PCDH7: variants seen among roughly 807,000 people sequenced by gnomAD.
PCDH7 encodes the protein protocadherin-7.
A neutral mutation model predicts 58.9 loss-of-function variants in PCDH7; 17 were observed. The ratio of observed to expected loss-of-function variants is 0.29; its 90% CI spans 0.20 to 0.43. The LOEUF is 0.43. Among genes scored for constraint, PCDH7 ranks in the 20% least tolerant of loss-of-function variants. PCDH7 has a pLI of 1.00. For missense variants in PCDH7, 1,274 were observed against 1,441.0 expected (o/e 0.88, Z 1.88); for synonymous variants, 664 against 616.4 (o/e 1.08, Z -1.14).
intron 3 of PCDH7, among the ~76,000 whole-genome samples, chr4:31,042,241 A>T (rs930796446): frequency 1.3e-5 from 2 of 152,168 alleles, no homozygotes; most frequent in Admixed American, 1.3e-4. Flanking sequence ...AGATAGGAGG[A>T]TAGCAAAGTC....
At chr4:31,039,965 C>T (rs1436337968) in intron 3 of PCDH7, among the ~76,000 whole-genome samples, 3 of 152,104 alleles carry the variant, frequency 2.0e-5, no homozygotes, top group Non-Finnish European at 4.4e-5. Flanking sequence ...AGGTTATGTG[C>T]GTAGATACAA....
chr4:31,107,831 A>C (rs1378012099), intron 3 of PCDH7, among the ~76,000 whole-genome samples: 1 of 152,168 alleles, frequency 6.6e-6, no homozygotes, highest in African/African-American at 2.4e-5. Flanking sequence ...TCTTCCTTAA[A>C]ATGGGTATGA....
At chr4:30,917,388 A>G (rs1394503880) in intron 1 of PCDH7, among the ~76,000 whole-genome samples, 2 of 152,192 alleles carry the variant, frequency 1.3e-5, no homozygotes, top group African/African-American at 4.8e-5. Flanking sequence ...GAATCTGAAG[A>G]GCTAGTGATA....
At chr4:31,141,235 A>G (rs1034985421) in intron 3 of PCDH7, among the ~76,000 whole-genome samples, 1 of 152,254 alleles carries the variant, frequency 6.6e-6, no homozygotes, top group Non-Finnish European at 1.5e-5. Flanking sequence ...CGAATCTACT[A>G]GGATTGTGCA....
intron 3 of PCDH7, among the ~76,000 whole-genome samples, chr4:31,010,274 T>G (rs529066108): frequency 6.6e-6 from 1 of 152,108 alleles, no homozygotes; most frequent in South Asian, 2.1e-4. Context: ...AGAAACTTAA[T>G]GAAAATCAAA....
rs184109911 is a variant in PCDH7 at position 30,757,155 on chromosome 4, T to C, written c.70+32559T>C. ...CTATTTTCAAATGACAGTTGGTTTC[T>C]GTATTTGTGCACAAGACTCAATGTG... is the stretch of plus-strand genomic sequence containing the variant. On this transcript the variant is annotated intron_variant, in intron 1 of 3. Coordinates refer to the PCDH7 transcript ENST00000509759. Among the ~76,000 whole-genome samples the C allele has an allele frequency of 5.6e-4, 86 of 152,356 alleles. 1 individual carries two copies. In the East Asian group the frequency reaches 7.9e-3, roughly 14 times the overall value.
chr4:30,887,795 C>T (rs1035345013), intron 1 of PCDH7, among the ~76,000 whole-genome samples: 5 of 151,796 alleles, frequency 3.3e-5, no homozygotes, highest in African/African-American at 7.3e-5. Context: ...TGCATTCACA[C>T]GGCATTGATC....
At chr4:30,790,338 A>G (rs867675086) in intron 1 of PCDH7, among the ~76,000 whole-genome samples, 1 of 152,314 alleles carries the variant, frequency 6.6e-6, no homozygotes. Context: ...TGAGATACAC[A>G]GAGTTTCAGT....
At chr4:30,976,382 C>T (rs1046023248) in intron 3 of PCDH7, among the ~76,000 whole-genome samples, 2 of 149,716 alleles carry the variant, frequency 1.3e-5, no homozygotes, top group East Asian at 2.0e-4. Context: ...TGAGCCACCA[C>T]GCCGGGCCAT....
chr4:30,878,668 G>A (rs911569037), intron 1 of PCDH7, among the ~76,000 whole-genome samples: 3 of 151,990 alleles, frequency 2.0e-5, no homozygotes, highest in Non-Finnish European at 4.4e-5. Context: ...GGTCAACACG[G>A]CAAACCCCCC....
intron 1 of PCDH7, among the ~76,000 whole-genome samples, chr4:30,771,821 T>C (rs1721443410): frequency 6.6e-6 from 1 of 152,182 alleles, no homozygotes; most frequent in African/African-American, 2.4e-5. Flanking sequence ...AAAGGTAACG[T>C]AAAGTGATAG....
chr4:30,790,171 T>C (rs546368686), intron 1 of PCDH7, among the ~76,000 whole-genome samples: 1 of 152,338 alleles, frequency 6.6e-6, no homozygotes, highest in East Asian at 1.9e-4. Flanking sequence ...TACACTTTAG[T>C]TGAACTGATT....
intron 3 of PCDH7, among the ~76,000 whole-genome samples, chr4:31,089,274 C>T (rs1047569383): frequency 6.6e-6 from 1 of 151,828 alleles, no homozygotes; most frequent in Non-Finnish European, 1.5e-5. Context: ...TTACAATGAA[C>T]ATAATATAAT....
At chr4:30,838,326 T>C (rs1730772262) in intron 1 of PCDH7, among the ~76,000 whole-genome samples, 1 of 152,110 alleles carries the variant, frequency 6.6e-6, no homozygotes, top group African/African-American at 2.4e-5. Flanking sequence ...TTTTTTTTTA[T>C]TTTAACTCAA....
intron 1 of PCDH7, among the ~76,000 whole-genome samples, chr4:30,828,146 A>AG (rs1729328109): frequency 6.6e-6 from 1 of 152,110 alleles, no homozygotes; most frequent in South Asian, 2.1e-4. Flanking sequence ...CAGAAGAAGT[A>AG]GGTGGTACTA....
chr4:30,795,759 CT>C (rs1348761466), intron 1 of PCDH7, among the ~76,000 whole-genome samples: 1 of 152,096 alleles, frequency 6.6e-6, no homozygotes, highest in Non-Finnish European at 1.5e-5. Flanking sequence ...TTTACCAAGA[CT>C]TTGAAAAGTA....
Position 30,980,952 on chromosome 4 carries a change from T to G in PCDH7, c.*7+30737T>G, listed in dbSNP as rs201246730. Among the ~76,000 whole-genome samples the G allele has an allele frequency of 2.0e-5, 3 of 152,038 alleles. No homozygotes were observed. In the South Asian group the frequency reaches 6.2e-4, roughly 32 times the overall value. On this transcript the variant is annotated intron_variant, in intron 3 of 3. Transcript: ENST00000509759. ...CTGCCTCCTGGGTTCAAGTGATTCT[T>G]CTGCCTCAGCCTCCCCAGTAGCTGG...
At chr4:30,745,858 G>T (rs903802031) in intron 1 of PCDH7, among the ~76,000 whole-genome samples, 1 of 151,316 alleles carries the variant, frequency 6.6e-6, no homozygotes, top group Admixed American at 6.6e-5. Flanking sequence ...AATTTTTTTT[G>T]ATACAGATTC....
At chr4:30,892,419 A>C (rs546201870) in intron 1 of PCDH7, among the ~76,000 whole-genome samples, 1 of 152,178 alleles carries the variant, frequency 6.6e-6, no homozygotes, top group Non-Finnish European at 1.5e-5. Flanking sequence ...AAAGGAAGAA[A>C]GTTCAGAAGA....
Sources: allele counts gnomAD v4.1 joint callset (sites outside exome capture counted in the v4.1 genomes callset), GRCh38; gene constraint gnomAD v4.1.1; transcripts MANE v1.5; gene names NCBI Gene and HGNC (gene_info 2026-07-23, HGNC 2026-07-21).